SPAM1: variants seen among roughly 807,000 people sequenced by gnomAD.
SPAM1 encodes sperm adhesion molecule 1.
In SPAM1, 22 loss-of-function variants were observed where a neutral mutation model predicts 29.6. That is an observed-to-expected ratio of 0.74 (90% CI 0.53 to 1.06). SPAM1 has a LOEUF of 1.06. Ranked by LOEUF, SPAM1 falls within the 50% of genes least tolerant of loss-of-function variation. SPAM1 has a pLI of 0.00. For synonymous variants in SPAM1, 194 were observed against 204.6 expected (o/e 0.95, Z 0.44); for missense variants, 534 against 604.0 (o/e 0.88, Z 1.21).
At chr7:123,944,105 A>G (rs1808506535) in intron 1 of SPAM1, among the ~76,000 whole-genome samples, 1 of 152,024 alleles carries the variant, frequency 6.6e-6, no homozygotes, top group Non-Finnish European at 1.5e-5. Flanking sequence ...GAGAAACTGA[A>G]CTTATTTTTT....
intron 1 of SPAM1, among the ~76,000 whole-genome samples, chr7:123,934,093 A>G (rs761739602): frequency 6.6e-6 from 1 of 152,226 alleles, no homozygotes; most frequent in Non-Finnish European, 1.5e-5. Context: ...AATAAGTTAT[A>G]CCACATAGTT....
At chr7:123,938,697 A>G (rs1036555086) in intron 1 of SPAM1, among the ~76,000 whole-genome samples, 3 of 152,230 alleles carry the variant, frequency 2.0e-5, no homozygotes, top group African/African-American at 7.2e-5. Flanking sequence ...ATAAAACCCA[A>G]AAGTCATCTG....
At chr7:123,960,360 A>G (rs935303081), downstream of SPAM1, among the ~76,000 whole-genome samples, 2 of 152,028 alleles carry the variant, frequency 1.3e-5, no homozygotes, top group Non-Finnish European at 2.9e-5. Context: ...AAACCCTTTC[A>G]ATACAAGCCA....
At chr7:123,926,858 G>T (rs1807902872) in intron 1 of SPAM1, among the ~76,000 whole-genome samples, 1 of 152,180 alleles carries the variant, frequency 6.6e-6, no homozygotes, top group South Asian at 2.1e-4. Flanking sequence ...TTAGATAGGA[G>T]ATTTTAGAGA....
intron 5 of SPAM1, among the ~76,000 whole-genome samples, chr7:123,965,419 G>A (rs1371669341): frequency 6.6e-6 from 1 of 151,974 alleles, no homozygotes; most frequent in Non-Finnish European, 1.5e-5. Flanking sequence ...TTCTTCTAGG[G>A]TTTTTATAGT....
Position 123,953,874 on chromosome 7 carries a change from A to G in SPAM1, c.304A>G (p.Ile102Val). 1 of 1,613,766 alleles carries G rather than the reference A, an allele frequency of 6.2e-7. No homozygotes were observed. The highest frequency in any genetic ancestry group is 2.2e-5 in the East Asian group (1 of 44,844). ...YVDRLGYYPY[I>V]DSITGVTVNG... The stretch of plus-strand genomic sequence containing the variant: ...TGATAGACTTGGCTACTATCCTTAC[A>G]TAGATTCAATCACAGGAGTAACTGT... The change falls in exon 3 of 5, where the codon ATA (isoleucine) becomes GTA (valine). Residue 102 changes from isoleucine (I) to valine (V), a missense_variant. Transcript: ENST00000682466.
chr7:123,966,976 C>A (rs769970874), intron 5 of SPAM1, among the ~76,000 whole-genome samples: 2 of 151,810 alleles, frequency 1.3e-5, no homozygotes, highest in Admixed American at 6.6e-5. Context: ...TATCAAGGGC[C>A]GTCTGTTAAT....
chr7:123,963,959 G>A (rs1792391348), downstream of SPAM1, among the ~76,000 whole-genome samples: 1 of 151,912 alleles, frequency 6.6e-6, no homozygotes, highest in African/African-American at 2.4e-5. Context: ...TTTGGAGAAT[G>A]TATCTATTTT....
Position 123,935,919 on chromosome 7 carries a change from G to GT in SPAM1, c.-319+10575dup, listed in dbSNP as rs200097604. 4.9e-3 allele frequency among the ~76,000 whole-genome samples: 745 copies of GT among 151,636 alleles called. 10 individuals carry two copies. The highest frequency in any genetic ancestry group is 0.017 in the African/African-American group (684 of 41,318). On this transcript the variant is annotated intron_variant, in intron 1 of 4. Coordinates refer to ENST00000682466, the MANE Select transcript of SPAM1 (RefSeq NM_153189.3). ...TACACTATTATAGTCTATTTTATGG[G>GT]TTTTTTTTAAAGGCTTATTACAAGC...
At chr7:123,941,629 G>T (rs1326895683) in intron 1 of SPAM1, among the ~76,000 whole-genome samples, 1 of 152,196 alleles carries the variant, frequency 6.6e-6, no homozygotes, top group African/African-American at 2.4e-5. Context: ...TGGGCAAATT[G>T]TGCGGGAGGT....
At chr7:123,932,403 C>T (rs1430897292) in intron 1 of SPAM1, 2 of 152,230 alleles carry the variant, frequency 1.3e-5, no homozygotes, top group African/African-American at 4.8e-5. Context: ...AGATGGTAAC[C>T]ATACTGTATT....
chr7:123,929,894 G>GTTTTTTTTTTTTT, intron 1 of SPAM1, among the ~76,000 whole-genome samples: 1 of 124,750 alleles, frequency 8.0e-6, no homozygotes, highest in African/African-American at 2.9e-5. Context: ...GGTGTTTAGG[G>GTTTTTTTTTTTTT]ATTTTTTTTT....
At chr7:123,925,820 T>A (rs1322619121) in intron 1 of SPAM1, 1 of 151,902 alleles carries the variant, frequency 6.6e-6, no homozygotes, top group Non-Finnish European at 1.5e-5. Context: ...TGCGAGGTGC[T>A]GTGTCTTATT....
intron 1 of SPAM1, among the ~76,000 whole-genome samples, chr7:123,939,845 T>A (rs908822038): frequency 9.2e-5 from 14 of 152,288 alleles, no homozygotes; most frequent in African/African-American, 3.1e-4. Flanking sequence ...CCAGGAGATG[T>A]CTGATCACCC....
Position 123,939,395 on chromosome 7 carries a change from T to C in SPAM1, c.-318-10477T>C, listed in dbSNP as rs1403525652. Among the ~76,000 whole-genome samples the C allele has an allele frequency of 2.0e-5, 3 of 152,184 alleles. No homozygotes were observed. In the South Asian group the frequency reaches 6.2e-4, roughly 32 times the overall value. On this transcript the variant is annotated intron_variant, in intron 1 of 4. Transcript: ENST00000682466. ...GCCACTGTGTCCGGCCTCAAGTCTTTATTCAATTACTTCATTTCAATCATA... is the reference window on the plus strand; with the variant it reads ...GCCACTGTGTCCGGCCTCAAGTCTTCATTCAATTACTTCATTTCAATCATA...
chr7:123,960,016 C>CT lies in SPAM1; in HGVS notation c.*52dup. 6.6e-7 allele frequency: 1 copy of CT among 1,523,232 alleles called. No homozygotes were observed. The highest frequency in any genetic ancestry group is 8.7e-7 in the Non-Finnish European group (1 of 1,144,380). The allele number at this position is 1,523,232 out of a possible 1,614,324, so 94.4% of individuals were successfully genotyped here. A position where few individuals can be genotyped will look rare whatever the true frequency, so the allele number is the denominator to read the frequency against. ...AACAATATGTCCATCTTAAAGTGTG[C>CT]TTTTTCGACTAATTAAATCTTTGAA... is the stretch of plus-strand genomic sequence containing the variant. On this transcript the variant is annotated 3_prime_UTR_variant, in exon 5 of 5. Transcript: ENST00000682466.
At chr7:123,969,978 T>C (rs2117082873) in intron 5 of SPAM1, among the ~76,000 whole-genome samples, 1 of 152,182 alleles carries the variant, frequency 6.6e-6, no homozygotes, top group South Asian at 2.1e-4. Flanking sequence ...TTTCTCTTTT[T>C]CCTAGAGTGG....
Position 123,970,436 on chromosome 7 carries a change from C to T in SPAM1, c.*48+140C>T, listed in dbSNP as rs1231664955. 4 of 558,380 alleles carry T rather than the reference C, an allele frequency of 7.2e-6. No individual in the cohort carries two copies. In the East Asian group the frequency reaches 1.3e-4, roughly 18 times the overall value. 34.6% of individuals were successfully genotyped at this position (558,380 alleles called of 1,614,324 possible). A position where few individuals can be genotyped will look rare whatever the true frequency, so the allele number is the denominator to read the frequency against. On this transcript the variant is annotated intron_variant, in intron 6 of 6. Transcript: ENST00000340011. The stretch of plus-strand genomic sequence containing the variant: ...CTTAATTACCTCTTAAAGATCCTGT[C>T]TTCAAATAAGGTCACATTCTAAGAT...
chr7:123,968,739 A>T (rs1201824541), intron 5 of SPAM1, among the ~76,000 whole-genome samples: 1 of 151,934 alleles, frequency 6.6e-6, no homozygotes, highest in African/African-American at 2.4e-5. Context: ...CCTGAGTTTG[A>T]CTTCTAGGCC....
Sources: gnomAD v4.1 joint callset for allele counts (sites outside exome capture counted in the v4.1 genomes callset) on GRCh38, gnomAD v4.1.1 for gene constraint, MANE v1.5 for transcripts, NCBI Gene and HGNC (gene_info 2026-07-23, HGNC 2026-07-21) for gene names.